The following KCNAB2 variants were observed in gnomAD, a reference collection of about 807,000 sequenced individuals.
KCNAB2 encodes the protein voltage-gated potassium channel subunit beta-2.
In KCNAB2, 29 loss-of-function variants were observed where a neutral mutation model predicts 63.6. The ratio of observed to expected loss-of-function variants is 0.46; its 90% CI spans 0.34 to 0.62. KCNAB2 has a LOEUF of 0.62. Ranked by LOEUF, KCNAB2 falls within the 20% of genes least tolerant of loss-of-function variation. KCNAB2 has a pLI of 0.01. For missense variants in KCNAB2, 359 were observed against 563.9 expected (o/e 0.64, Z 3.68); for synonymous variants, 222 against 224.2 (o/e 0.99, Z 0.09).
At chr1:6,016,974 C>T (rs942623975) in intron 1 of KCNAB2, among the ~76,000 whole-genome samples, 3 of 152,176 alleles carry the variant, frequency 2.0e-5, no homozygotes, top group African/African-American at 7.2e-5. Flanking sequence ...AGCAGAATCC[C>T]AGAGTTGGCT....
Position 6,069,229 on chromosome 1 carries a change from C to T in KCNAB2, c.219-3526C>T, listed in dbSNP as rs886168047. On this transcript the variant is annotated intron_variant, in intron 2 of 15. Transcript: ENST00000378083. This position sits in a 1 kb window ranked among gnomAD's most constrained non-coding sequence, Gnocchi z 5.4. Reference sequence around the variant, plus strand: ...CACTAACAGGAGCCACCCCATGTGCCTTCCTCCGCAACCAGCTAGCCAAGG... The same window carrying T: ...CACTAACAGGAGCCACCCCATGTGCTTTCCTCCGCAACCAGCTAGCCAAGG... Among the ~76,000 whole-genome samples the T allele has an allele frequency of 1.3e-5, 2 of 152,214 alleles. No homozygotes were observed. Among genetic ancestry groups the T allele is most frequent in the African/African-American group, 4.8e-5 (2 of 41,456 alleles).
At chr1:6,037,929 C>T (rs925156790) in intron 1 of KCNAB2, among the ~76,000 whole-genome samples, 5 of 140,118 alleles carry the variant, frequency 3.6e-5, no homozygotes, top group African/African-American at 1.3e-4. Flanking sequence ...GGCTGGAGTG[C>T]AGTGGCGCGA....
At chr1:6,055,011 C>T (rs1661692252) in intron 2 of KCNAB2, among the ~76,000 whole-genome samples, 1 of 152,166 alleles carries the variant, frequency 6.6e-6, no homozygotes, top group African/African-American at 2.4e-5. Flanking sequence ...TCCCTGCCTC[C>T]AGACCCTGGT....
At chr1:6,005,464 G>A (rs1011987822) in intron 1 of KCNAB2, among the ~76,000 whole-genome samples, 3 of 151,346 alleles carry the variant, frequency 2.0e-5, no homozygotes, top group Non-Finnish European at 3.0e-5. Flanking sequence ...GGGTGGAGGC[G>A]GGGACGTGGC....
chr1:6,039,506 G>A (rs1660324493), intron 1 of KCNAB2, among the ~76,000 whole-genome samples: 1 of 152,172 alleles, frequency 6.6e-6, no homozygotes, highest in African/African-American at 2.4e-5. Context: ...GCTGGATATT[G>A]GCAGCCATAC....
upstream of KCNAB2, among the ~76,000 whole-genome samples, chr1:6,030,604 TGTATGTGTGTAG>T (rs954230630): frequency 2.0e-5 from 3 of 148,536 alleles, no homozygotes; most frequent in Non-Finnish European, 2.9e-5. Context: ...TGTATGTATC[TGTATGTGTGTAG>T]GTATGTGTGT....
At chr1:5,993,520 T>C (rs1026943148) in intron 1 of KCNAB2, among the ~76,000 whole-genome samples, 2 of 152,216 alleles carry the variant, frequency 1.3e-5, no homozygotes, top group Non-Finnish European at 2.9e-5. Context: ...CCCTACCTGC[T>C]GCTGCTCCCA....
intron 1 of KCNAB2, chr1:6,007,792 T>G (rs1657914464): frequency 6.6e-6 from 1 of 152,364 alleles, no homozygotes; most frequent in Admixed American, 6.5e-5. Flanking sequence ...CAAGAGAACC[T>G]GGAACCTCCC....
rs1007418231 is a variant in KCNAB2 at position 6,078,565 on chromosome 1, G to A, written c.301-3630G>A. On this transcript the variant is annotated intron_variant, in intron 4 of 15. Transcript: ENST00000378083. The surrounding 1 kb of genome is among the most constrained non-coding windows in gnomAD (Gnocchi z 4.2). ...ACAACCAAGGCACAGCCCTAAGGCC[G>A]AGTGTTGGGGAGAAGGGGATGCAGG... 8.5e-5 allele frequency among the ~76,000 whole-genome samples: 13 copies of A among 152,178 alleles called. No individual in the cohort carries two copies. The highest frequency in any genetic ancestry group is 4.1e-4 in the South Asian group (2 of 4,832).
chr1:6,080,517 G>A (rs546345652), intron 4 of KCNAB2, among the ~76,000 whole-genome samples: 2 of 152,158 alleles, frequency 1.3e-5, no homozygotes, highest in African/African-American at 2.4e-5. Context: ...GAAAACCGAC[G>A]GCCTCCACCC....
rs899234335 is a variant in KCNAB2 at position 6,100,254 on chromosome 1, AC to A, written c.*1686del. On this transcript the variant is annotated 3_prime_UTR_variant, in exon 16 of 16. Coordinates refer to ENST00000378083, the MANE Select transcript of KCNAB2 (RefSeq NM_001199862.2). ...GGGGGATCAGCTTCTGCTATTACCG[AC>A]CCCCCTTCATGCTGCCCCTGGCGCC... 3 of 577,556 alleles carry A rather than the reference AC, an allele frequency of 5.2e-6. No homozygotes were observed. Among genetic ancestry groups the A allele is most frequent in the Non-Finnish European group, 8.1e-6 (3 of 370,200 alleles). The allele number at this position is 577,556 out of a possible 1,614,324, so 35.8% of individuals were successfully genotyped here. A position where few individuals can be genotyped will look rare whatever the true frequency, so the allele number is the denominator to read the frequency against.
At chr1:6,002,928 C>A (rs1657340605) in intron 1 of KCNAB2, among the ~76,000 whole-genome samples, 1 of 152,184 alleles carries the variant, frequency 6.6e-6, no homozygotes, top group Admixed American at 6.5e-5. Context: ...GCTCTGGCCC[C>A]CTGCTTCGTC....
At chr1:6,004,807 A>C (rs1196699302) in intron 1 of KCNAB2, among the ~76,000 whole-genome samples, 1 of 152,142 alleles carries the variant, frequency 6.6e-6, no homozygotes, top group Non-Finnish European at 1.5e-5. Flanking sequence ...AGTCCACCCC[A>C]CACAATAGGT....
chr1:6,018,483 G>A lies in KCNAB2; in HGVS notation c.-52-22034G>A, dbSNP rs146774264. On this transcript the variant is annotated intron_variant, in intron 1 of 16. Transcript: ENST00000341524. The stretch of plus-strand genomic sequence containing the variant: ...AGATAAGCTCAGGTCTTGCTCTGTT[G>A]CCCAGGCTGGAGTGCAGTGGAGTGA... Among the ~76,000 whole-genome samples, 156 of 152,268 alleles carry A rather than the reference G, an allele frequency of 1.0e-3. 1 individual carries two copies. The East Asian group carries it at 0.03, about 29-fold the overall frequency.
chr1:6,042,245 G>A (rs142173948), upstream of KCNAB2, among the ~76,000 whole-genome samples: 1,737 of 152,270 alleles, frequency 0.011, 33 homozygotes, highest in African/African-American at 0.038. Context: ...AGTACAGGAC[G>A]TGGCGAGCCC....
intron 14 of KCNAB2, among the ~76,000 whole-genome samples, 192 bp from the exon 15 acceptor site, chr1:6,097,077 C>A (rs1665705180): frequency 6.6e-6 from 1 of 152,152 alleles, no homozygotes; most frequent in Admixed American, 6.5e-5. Flanking sequence ...CATCAGGGAG[C>A]AGCGGGCTCC....
chr1:6,025,422 A>C (rs940012829), intron 1 of KCNAB2, among the ~76,000 whole-genome samples: 1 of 152,174 alleles, frequency 6.6e-6, no homozygotes, highest in Non-Finnish European at 1.5e-5. Flanking sequence ...GAGTCACCAG[A>C]GAGCCTGGCC....
At chr1:6,034,978 G>T (rs892990336) in intron 1 of KCNAB2, among the ~76,000 whole-genome samples, 1 of 152,252 alleles carries the variant, frequency 6.6e-6, no homozygotes, top group East Asian at 1.9e-4. Flanking sequence ...CAGGCGCTGG[G>T]GAGAAACAGC....
rs369178759 is a variant in KCNAB2, at chr1:6,095,278, C to T, written c.733-45C>T. 154 of 1,566,984 alleles carry T rather than the reference C, an allele frequency of 9.8e-5. 1 individual carries two copies. The African/African-American group carries it at 1.7e-3, about 17-fold the overall frequency. On this transcript the variant is annotated intron_variant, in intron 11 of 15. Transcript: ENST00000378083. ...CATGGCTGCCCCGGCAGCCTCCCGC[C>T]TGCTCACAGGCAAGGGCCCTCGGGG...
Sources: allele counts gnomAD v4.1 joint callset (sites outside exome capture counted in the v4.1 genomes callset), GRCh38; gene constraint gnomAD v4.1.1; non-coding constraint Gnocchi (gnomAD v3.1); transcripts MANE v1.5; gene names NCBI Gene and HGNC (gene_info 2026-07-23, HGNC 2026-07-21).